SFXN1: variants seen among roughly 807,000 people sequenced by gnomAD.
SFXN1 encodes sideroflexin 1.
SFXN1 carries 32 observed loss-of-function variants against 39.5 expected under a neutral mutation model. The observed-to-expected ratio is 0.81, with a 90% CI of 0.61 to 1.09. The LOEUF (loss-of-function observed/expected upper bound fraction) is 1.09. SFXN1 is among the 50% of genes least tolerant of loss of function. The probability of loss-of-function intolerance (pLI) is 0.00; values close to 1 mark genes in which losing one functional copy is unlikely to be tolerated. For synonymous variants in SFXN1, 136 were observed against 146.5 expected (o/e 0.93, Z 0.52); for missense variants, 402 against 407.1 (o/e 0.99, Z 0.11).
rs531161077 is a variant in SFXN1 at position 175,522,587 on chromosome 5, C to A, written c.872+165C>A. 5.3e-6 allele frequency: 3 copies of A among 565,104 alleles called. No individual in the cohort carries two copies. The South Asian group carries it at 8.5e-5, about 16-fold the overall frequency. 35.0% of individuals were successfully genotyped at this position (565,104 alleles called of 1,614,324 possible). A position where few individuals can be genotyped will look rare whatever the true frequency, so the allele number is the denominator to read the frequency against. Reference sequence around the variant, plus strand: ...GGGATGGAGGCAGAAATCAAACCCACATCTGTCTAATTTCAGATGCACCCA... The same window carrying A: ...GGGATGGAGGCAGAAATCAAACCCAAATCTGTCTAATTTCAGATGCACCCA... On this transcript the variant is annotated intron_variant, in intron 10 of 10. Transcript: ENST00000321442.
chr5:175,494,439 C>T (rs1054968350), intron 2 of SFXN1, among the ~76,000 whole-genome samples: 2 of 152,088 alleles, frequency 1.3e-5, no homozygotes, highest in Admixed American at 1.3e-4. Flanking sequence ...TCTTTATTTG[C>T]GACAGCAACA....
At chr5:175,489,125 A>G (rs1189167028) in intron 1 of SFXN1, among the ~76,000 whole-genome samples, 1 of 152,206 alleles carries the variant, frequency 6.6e-6, no homozygotes, top group Admixed American at 6.5e-5. Flanking sequence ...CCTTCTGAAA[A>G]AAACAAAGCT....
chr5:175,523,525 G>C (rs1487805871), intron 10 of SFXN1: 1 of 152,276 alleles, frequency 6.6e-6, no homozygotes. Context: ...ATGCCAAGGG[G>C]TGTGCCTGAT....
At chr5:175,497,928 C>CCT (rs1759917938) in intron 2 of SFXN1, among the ~76,000 whole-genome samples, 1 of 125,280 alleles carries the variant, frequency 8.0e-6, no homozygotes, top group Non-Finnish European at 1.6e-5. Flanking sequence ...AAAACTCCGT[C>CCT]TCAAAAAGAA....
At chr5:175,489,218 G>A (rs1415362199) in intron 1 of SFXN1, among the ~76,000 whole-genome samples, 8 of 152,062 alleles carry the variant, frequency 5.3e-5, no homozygotes, top group Admixed American at 5.2e-4. Context: ...ATATCTTATT[G>A]GCTCATTCAG....
intron 1 of SFXN1, among the ~76,000 whole-genome samples, chr5:175,489,557 A>G (rs973259272): frequency 1.3e-5 from 2 of 152,184 alleles, no homozygotes; most frequent in Non-Finnish European, 2.9e-5. Flanking sequence ...GCATACAATG[A>G]CATACATTTC....
intron 1 of SFXN1, among the ~76,000 whole-genome samples, chr5:175,480,419 T>G (rs1284465067): frequency 1.3e-5 from 2 of 150,342 alleles, no homozygotes; most frequent in African/African-American, 4.9e-5. Flanking sequence ...AAAAATACAG[T>G]GTTTGGCAGG....
chr5:175,492,768 C>T (rs1012545915), intron 2 of SFXN1, among the ~76,000 whole-genome samples: 2 of 152,092 alleles, frequency 1.3e-5, no homozygotes, highest in Admixed American at 6.6e-5. Flanking sequence ...GTGGGATGCA[C>T]GCCATCAGTT....
rs576778385 is a variant in SFXN1, at chr5:175,515,516, G to A, written c.725-1098G>A. On this transcript the variant is annotated intron_variant, in intron 7 of 10. Coordinates refer to ENST00000321442, the MANE Select transcript of SFXN1 (RefSeq NM_022754.7). The stretch of plus-strand genomic sequence containing the variant: ...AATAGTGGATATGACAGTTTAGCCT[G>A]ATAAAAGTTGTCAGCAAATGAACGA... Among the ~76,000 whole-genome samples, 8 of 152,310 alleles carry A rather than the reference G, an allele frequency of 5.3e-5. No homozygotes were observed. In the South Asian group the frequency reaches 8.3e-4, roughly 16 times the overall value.
chr5:175,511,769 TC>T (rs1408681262), intron 5 of SFXN1, among the ~76,000 whole-genome samples: 4 of 152,022 alleles, frequency 2.6e-5, no homozygotes, highest in African/African-American at 9.7e-5. Context: ...TGTTCACCCA[TC>T]CTGACAGCCC....
At chr5:175,507,973 TAAA>T (rs74722265) in intron 2 of SFXN1, among the ~76,000 whole-genome samples, 26 of 124,240 alleles carry the variant, frequency 2.1e-4, no homozygotes, top group Admixed American at 2.4e-4. Context: ...ACCCTGTCTT[TAAA>T]AAAAAAAAAA....
At chr5:175,522,500 C>T (rs1159427329) in intron 10 of SFXN1, 78 bp downstream of exon 10, 3 of 1,399,076 alleles carry the variant, frequency 2.1e-6, no homozygotes, top group South Asian at 1.2e-5. Flanking sequence ...GCCATTATTC[C>T]ATTTCATTGG....
rs1760509689 is a variant in SFXN1, at chr5:175,511,436, C to G, written c.435-15C>G. ...ATGCCCTCGTCGTCCACACGATATC[C>G]TTTTTTCTTTTCAGTGAGTTGGGAA... is the stretch of plus-strand genomic sequence containing the variant. On this transcript the variant is annotated splice_polypyrimidine_tract_variant and intron_variant, in intron 4 of 10. Transcript: ENST00000321442. 1.2e-6 allele frequency: 2 copies of G among 1,612,196 alleles called. No homozygotes were observed. The highest frequency in any genetic ancestry group is 1.7e-6 in the Non-Finnish European group (2 of 1,178,508).
intron 1 of SFXN1, among the ~76,000 whole-genome samples, chr5:175,486,245 A>G (rs1759445071): frequency 6.6e-6 from 1 of 152,218 alleles, no homozygotes. Context: ...ATACTTCAAG[A>G]AAAATGGCTA....
At chr5:175,516,718 T>C in intron 8 of SFXN1, 55 bp downstream of exon 8, 2 of 1,566,178 alleles carry the variant, frequency 1.3e-6, no homozygotes, top group Non-Finnish European at 1.8e-6. Flanking sequence ...TTTTCAGATT[T>C]CAAACCGTAT....
intron 2 of SFXN1, among the ~76,000 whole-genome samples, chr5:175,502,645 G>T (rs752937082): frequency 3.3e-5 from 5 of 151,946 alleles, no homozygotes; most frequent in Non-Finnish European, 5.9e-5. Flanking sequence ...TTCAAGACCA[G>T]CCTGGACAAC....
Position 175,510,301 on chromosome 5 carries a change from A to G in SFXN1, c.434+94A>G. ...CCTGTTTAAAAAAGCCTATGTGTGC[A>G]TATTTTTATATTGTTCAGAATATTA... On this transcript the variant is annotated intron_variant, in intron 4 of 10. Coordinates refer to ENST00000321442, the MANE Select transcript of SFXN1 (RefSeq NM_022754.7). 4 of 960,916 alleles carry G rather than the reference A, an allele frequency of 4.2e-6. No individual in the cohort carries two copies. The South Asian group carries it at 5.8e-5, about 14-fold the overall frequency. The allele number at this position is 960,916 out of a possible 1,614,324, so 59.5% of individuals were successfully genotyped here.
rs1759903991 is a variant in SFXN1, at chr5:175,497,643, A to T, written c.164+5376A>T. Among the ~76,000 whole-genome samples the T allele has an allele frequency of 1.3e-5, 2 of 152,192 alleles. 1 individual carries two copies. Among genetic ancestry groups the T allele is most frequent in the East Asian group, 3.9e-4 (2 of 5,176 alleles). On this transcript the variant is annotated intron_variant, in intron 2 of 10. Coordinates refer to ENST00000321442, the MANE Select transcript of SFXN1 (RefSeq NM_022754.7). ...AATAGAACTTGATTAAAACACAATCACAGGGCCGGGCGCAGTGACTCACAC... is the reference window on the plus strand; with the variant it reads ...AATAGAACTTGATTAAAACACAATCTCAGGGCCGGGCGCAGTGACTCACAC...
At chr5:175,499,552 G>A (rs1198458121) in intron 2 of SFXN1, among the ~76,000 whole-genome samples, 1 of 152,142 alleles carries the variant, frequency 6.6e-6, no homozygotes, top group East Asian at 1.9e-4. Flanking sequence ...GACTAAAACA[G>A]AAAACCGTAT....
Sources: allele counts gnomAD v4.1 joint callset (sites outside exome capture counted in the v4.1 genomes callset), GRCh38; gene constraint gnomAD v4.1.1; transcripts MANE v1.5; gene names NCBI Gene and HGNC (gene_info 2026-07-23, HGNC 2026-07-21).